Variants in DLG2 observed in about 807,000 individuals in gnomAD.
The protein encoded by DLG2 is disks large homolog 2.
In DLG2, 45 loss-of-function variants were observed where a neutral mutation model predicts 132.5. The observed-to-expected ratio is 0.34, with a 90% CI of 0.27 to 0.44. The LOEUF (loss-of-function observed/expected upper bound fraction) is 0.44, where lower values mean the gene tolerates loss of function less well. Among genes scored for constraint, DLG2 ranks in the 20% least tolerant of loss-of-function variants. DLG2 has a pLI of 1.00. For missense variants in DLG2, 1,045 were observed against 1,196.9 expected, an observed-to-expected ratio of 0.87 and a Z score of 1.87; for synonymous variants, 424 against 419.6, an observed-to-expected ratio of 1.01 and a Z score of -0.13.
intron 10 of DLG2, among the ~76,000 whole-genome samples, chr11:84,092,303 G>A (rs964604896): frequency 2.0e-5 from 3 of 152,180 alleles, no homozygotes; most frequent in African/African-American, 7.2e-5. Flanking sequence ...CTAAATAGCT[G>A]GCTCTATAGA....
At chr11:84,722,661 A>G (rs1410274962) in intron 6 of DLG2, among the ~76,000 whole-genome samples, 1 of 152,186 alleles carries the variant, frequency 6.6e-6, no homozygotes, top group Non-Finnish European at 1.5e-5. Flanking sequence ...TGTGAGAGGA[A>G]TGCAAGTCCT....
chr11:84,816,615 A>G (rs2077109860), intron 6 of DLG2, among the ~76,000 whole-genome samples: 1 of 151,988 alleles, frequency 6.6e-6, no homozygotes, highest in Non-Finnish European at 1.5e-5. Flanking sequence ...TAATTCATAT[A>G]ACAGCCCTGC....
chr11:83,505,295 G>A (rs974674802), intron 21 of DLG2, among the ~76,000 whole-genome samples: 3 of 152,166 alleles, frequency 2.0e-5, no homozygotes, highest in African/African-American at 2.4e-5. Flanking sequence ...TGGCAAATGG[G>A]GCACTCAGCA....
At chr11:83,759,505 G>T (rs1446644390) in intron 18 of DLG2, among the ~76,000 whole-genome samples, 2 of 152,130 alleles carry the variant, frequency 1.3e-5, no homozygotes, top group Non-Finnish European at 2.9e-5. Flanking sequence ...AAATGTCTTT[G>T]CTTTCCAGCT....
At chr11:85,083,684 G>A (rs1488965225) in intron 6 of DLG2, among the ~76,000 whole-genome samples, 1 of 152,074 alleles carries the variant, frequency 6.6e-6, no homozygotes, top group African/African-American at 2.4e-5. Flanking sequence ...GGTTTTAAGA[G>A]TTTATCTAAA....
At chr11:84,861,533 C>T (rs2083626723) in intron 6 of DLG2, among the ~76,000 whole-genome samples, 1 of 144,720 alleles carries the variant, frequency 6.9e-6, no homozygotes, top group South Asian at 2.3e-4. Context: ...GTTTTTATGG[C>T]TTTAGGCTAA....
chr11:84,207,225 T>G (rs2096682171), intron 8 of DLG2, among the ~76,000 whole-genome samples: 1 of 151,984 alleles, frequency 6.6e-6, no homozygotes, highest in Admixed American at 6.6e-5. Context: ...TATTTTTAAG[T>G]TTACTTGAAA....
At chr11:85,195,038 A>G (rs1437783246) in intron 4 of DLG2, among the ~76,000 whole-genome samples, 1 of 152,202 alleles carries the variant, frequency 6.6e-6, no homozygotes, top group African/African-American at 2.4e-5. Flanking sequence ...AAGGCCAGAG[A>G]TATTCCCTAC....
At chr11:83,523,208 T>C (rs2095527290) in intron 21 of DLG2, among the ~76,000 whole-genome samples, 1 of 152,236 alleles carries the variant, frequency 6.6e-6, no homozygotes, top group South Asian at 2.1e-4. Flanking sequence ...TATTCTTTAA[T>C]AATTCCCAAA....
chr11:83,616,863 G>A (rs1314748441), intron 19 of DLG2, among the ~76,000 whole-genome samples: 1 of 152,062 alleles, frequency 6.6e-6, no homozygotes, highest in East Asian at 1.9e-4. Context: ...TAAAAAAGTT[G>A]GATATCCAAT....
intron 3 of DLG2, among the ~76,000 whole-genome samples, chr11:85,464,766 C>T (rs2092725576): frequency 6.6e-6 from 1 of 151,760 alleles, no homozygotes; most frequent in Non-Finnish European, 1.5e-5. Flanking sequence ...TTTGGGAAGA[C>T]AGCTTGGGGG....
intron 6 of DLG2, among the ~76,000 whole-genome samples, chr11:84,799,978 T>C (rs983610244): frequency 5.3e-5 from 8 of 152,202 alleles, no homozygotes; most frequent in African/African-American, 1.9e-4. Context: ...TCTTGTCTGA[T>C]TCTCAAAATA....
At chr11:84,600,178 A>AAGAAAGAAAGAAAGAAAGAAAGAT (rs1255766203) in intron 6 of DLG2, among the ~76,000 whole-genome samples, 8 of 132,432 alleles carry the variant, frequency 6.0e-5, no homozygotes, top group Admixed American at 3.0e-4. Flanking sequence ...GAAAGAAAGA[A>AAGAAAGAAAGAAAGAAAGAAAGAT]AGAAAGAAAG....
At chr11:84,460,442 G>C (rs1185363274) in intron 7 of DLG2, among the ~76,000 whole-genome samples, 1 of 150,380 alleles carries the variant, frequency 6.6e-6, no homozygotes, top group Non-Finnish European at 1.5e-5. Flanking sequence ...AGCATTCCAA[G>C]AATGAAGATC....
intron 6 of DLG2, among the ~76,000 whole-genome samples, chr11:84,834,835 G>T (rs1280357899): frequency 6.8e-6 from 1 of 147,800 alleles, no homozygotes; most frequent in Non-Finnish European, 1.5e-5. Context: ...AAATATCAAA[G>T]AATTTCTCCA....
At chr11:84,486,418 G>A (rs2099151043) in intron 7 of DLG2, among the ~76,000 whole-genome samples, 1 of 152,056 alleles carries the variant, frequency 6.6e-6, no homozygotes, top group East Asian at 1.9e-4. Flanking sequence ...CCCTCTTTGA[G>A]CTGACCACCT....
At chr11:83,838,231 G>A (rs2056743864) in intron 16 of DLG2, among the ~76,000 whole-genome samples, 1 of 152,168 alleles carries the variant, frequency 6.6e-6, no homozygotes, top group African/African-American at 2.4e-5. Context: ...TAGATGGGTA[G>A]GTATGTGATA....
chr11:84,670,127 T>A (rs1271077371), intron 6 of DLG2, among the ~76,000 whole-genome samples: 1 of 152,132 alleles, frequency 6.6e-6, no homozygotes, highest in Non-Finnish European at 1.5e-5. Flanking sequence ...TTGAATGAGA[T>A]ATAAAGAGAA....
chr11:84,012,514 C>A (rs943794552), intron 11 of DLG2, among the ~76,000 whole-genome samples: 1 of 152,146 alleles, frequency 6.6e-6, no homozygotes, highest in South Asian at 2.1e-4. Context: ...CTACTGAAAT[C>A]TTTGGAATAT....
Sources: gnomAD v4.1 joint callset for allele counts (sites outside exome capture counted in the v4.1 genomes callset) on GRCh38, gnomAD v4.1.1 for gene constraint, MANE v1.5 for transcripts, NCBI Gene and HGNC (gene_info 2026-07-23, HGNC 2026-07-21) for gene names.